Variants in SMYD3 observed in about 807,000 individuals in gnomAD.
The protein encoded by SMYD3 is SET and MYND domain containing 3.
A neutral mutation model predicts 57.7 loss-of-function variants in SMYD3; 36 were observed. The ratio of observed to expected loss-of-function variants is 0.62; its 90% CI spans 0.48 to 0.82. The LOEUF (loss-of-function observed/expected upper bound fraction) is 0.82. Ranked by LOEUF, SMYD3 falls within the 40% of genes least tolerant of loss-of-function variation. The pLI, the probability that SMYD3 is intolerant of heterozygous loss-of-function variation, is 0.00. For synonymous variants in SMYD3, 211 were observed against 195.0 expected (o/e 1.08, Z -0.68); for missense variants, 515 against 538.8 (o/e 0.96, Z 0.44).
At chr1:246,200,641 A>T (rs1339306098) in intron 5 of SMYD3, among the ~76,000 whole-genome samples, 1 of 144,864 alleles carries the variant, frequency 6.9e-6, no homozygotes, top group Non-Finnish European at 1.5e-5. Context: ...CAGCGTAGAC[A>T]CTGAGCAAGA....
intron 10 of SMYD3, among the ~76,000 whole-genome samples, chr1:245,822,013 G>A (rs2049188324): frequency 6.6e-6 from 1 of 152,150 alleles, no homozygotes; most frequent in South Asian, 2.1e-4. Context: ...TCTCGAACTA[G>A]AAATACCATT....
intron 5 of SMYD3, among the ~76,000 whole-genome samples, chr1:246,042,777 T>G (rs1260423336): frequency 6.6e-6 from 1 of 152,160 alleles, no homozygotes; most frequent in Non-Finnish European, 1.5e-5. Context: ...CCCATTCTAG[T>G]ATGGCTGCCC....
intron 5 of SMYD3, among the ~76,000 whole-genome samples, chr1:246,146,154 C>T (rs2061839472): frequency 1.3e-5 from 2 of 152,198 alleles, no homozygotes; most frequent in South Asian, 4.1e-4. Context: ...GACAAGAAAG[C>T]ATGCCATGTT....
intron 5 of SMYD3, chr1:245,953,135 T>C (rs1337032566): frequency 1.3e-6 from 1 of 749,548 alleles, no homozygotes; most frequent in Non-Finnish European, 1.7e-6. Context: ...TTGGGTAAAG[T>C]GTTATTTCCC....
intron 5 of SMYD3, among the ~76,000 whole-genome samples, chr1:245,963,735 A>G (rs954722345): frequency 6.6e-6 from 1 of 152,216 alleles, no homozygotes; most frequent in African/African-American, 2.4e-5. Flanking sequence ...AGAGAAACTA[A>G]CCAGACCCTA....
intron 1 of SMYD3, among the ~76,000 whole-genome samples, chr1:246,460,730 A>G (rs958018712): frequency 2.6e-5 from 4 of 152,238 alleles, no homozygotes; most frequent in Admixed American, 2.6e-4. Flanking sequence ...TTTCATAAGT[A>G]CTTGAAAACA....
intron 5 of SMYD3, among the ~76,000 whole-genome samples, chr1:246,232,325 C>A (rs746068445): frequency 2.0e-4 from 30 of 152,296 alleles, no homozygotes; most frequent in Admixed American, 3.3e-4. Flanking sequence ...GCCCTGTAGT[C>A]CCAGCATTTT....
intron 5 of SMYD3, among the ~76,000 whole-genome samples, chr1:246,096,953 C>T (rs2060926334): frequency 6.6e-6 from 1 of 152,314 alleles, no homozygotes; most frequent in Non-Finnish European, 1.5e-5. Flanking sequence ...TGTAGGTGCT[C>T]ATTCCATTTT....
At chr1:245,946,583 C>T (rs936194313) in intron 5 of SMYD3, among the ~76,000 whole-genome samples, 14 of 152,270 alleles carry the variant, frequency 9.2e-5, no homozygotes, top group Admixed American at 3.3e-4. Context: ...CCGATGTTCT[C>T]ACGCATCAAG....
chr1:245,798,405 CATA>C (rs1558351490), intron 10 of SMYD3, among the ~76,000 whole-genome samples: 6 of 11,818 alleles, frequency 5.1e-4, no homozygotes, highest in South Asian at 6.2e-3. Flanking sequence ...CACACACACA[CATA>C]CACACACATA....
intron 10 of SMYD3, among the ~76,000 whole-genome samples, chr1:245,809,006 C>A (rs148560725): frequency 0.01 from 1,590 of 152,220 alleles, 27 homozygotes; most frequent in African/African-American, 0.036. Flanking sequence ...CCGCCCGCCT[C>A]GGCCTCCCAA....
chr1:245,788,263 C>T (rs544267797), intron 10 of SMYD3, among the ~76,000 whole-genome samples: 1 of 151,900 alleles, frequency 6.6e-6, no homozygotes, highest in East Asian at 1.9e-4. Context: ...GGGAACAGGG[C>T]AAGAAGAATG....
chr1:245,920,670 T>A (rs114623988), intron 7 of SMYD3, among the ~76,000 whole-genome samples: 1 of 152,184 alleles, frequency 6.6e-6, no homozygotes, highest in Non-Finnish European at 1.5e-5. Flanking sequence ...TGCCTACACA[T>A]AGAAAAGTGG....
rs2068085284 is a variant in SMYD3 at position 246,480,423 on chromosome 1, A to T, written c.164+26631T>A. On this transcript the variant is annotated intron_variant, in intron 1 of 11. Coordinates refer to ENST00000490107, the MANE Select transcript of SMYD3 (RefSeq NM_001167740.2). Reference sequence around the variant, plus strand: ...AAAACACTAAAACATACAAAGAAGTAAAGCATAATGCACTCTCATGTACTC... The same window carrying T: ...AAAACACTAAAACATACAAAGAAGTTAAGCATAATGCACTCTCATGTACTC... Among the ~76,000 whole-genome samples the T allele has an allele frequency of 6.6e-5, 10 of 152,262 alleles. No homozygotes were observed. The South Asian group carries it at 2.1e-3, about 32-fold the overall frequency.
chr1:246,075,596 C>T (rs1016154361), intron 5 of SMYD3, among the ~76,000 whole-genome samples: 6 of 152,010 alleles, frequency 3.9e-5, no homozygotes, highest in African/African-American at 7.2e-5. Context: ...CCTGTACTAC[C>T]GGAGGTGCTA....
chr1:245,914,561 T>TA (rs1469262021), intron 8 of SMYD3, among the ~76,000 whole-genome samples: 1 of 151,912 alleles, frequency 6.6e-6, no homozygotes, highest in Non-Finnish European at 1.5e-5. Context: ...ATGTGGGAAT[T>TA]AAAAAAAATG....
intron 5 of SMYD3, among the ~76,000 whole-genome samples, chr1:246,022,201 CA>C (rs1339654856): frequency 2.6e-5 from 4 of 152,192 alleles, no homozygotes; most frequent in Non-Finnish European, 4.4e-5. Context: ...CCTCTTTGCA[CA>C]AGTCAATATG....
intron 10 of SMYD3, among the ~76,000 whole-genome samples, chr1:245,833,009 T>C (rs914813803): frequency 1.4e-5 from 2 of 146,790 alleles, no homozygotes; most frequent in African/African-American, 5.0e-5. Context: ...GATCCATTCC[T>C]AGACATTTGG....
intron 5 of SMYD3, among the ~76,000 whole-genome samples, chr1:245,934,796 A>T (rs1241519420): frequency 1.3e-5 from 2 of 152,210 alleles, no homozygotes; most frequent in Non-Finnish European, 2.9e-5. Flanking sequence ...ACAATGACCA[A>T]CTACATTTCC....
Sources: gnomAD v4.1 joint callset for allele counts (sites outside exome capture counted in the v4.1 genomes callset) on GRCh38, gnomAD v4.1.1 for gene constraint, MANE v1.5 for transcripts, NCBI Gene and HGNC (gene_info 2026-07-23, HGNC 2026-07-21) for gene names.